Variants in ITFG2 observed in about 807,000 individuals in gnomAD.
The protein encoded by ITFG2 is integrin alpha FG-GAP repeat containing 2.
A neutral mutation model predicts 54.4 loss-of-function variants in ITFG2; 36 were observed. That is an observed-to-expected ratio of 0.66 (90% CI 0.51 to 0.87). The LOEUF (loss-of-function observed/expected upper bound fraction) is 0.87, where lower values mean the gene tolerates loss of function less well. ITFG2 is among the 40% of genes least tolerant of loss of function. The pLI, the probability that ITFG2 is intolerant of heterozygous loss-of-function variation, is 0.00. For missense variants in ITFG2, 524 were observed against 576.7 expected, an observed-to-expected ratio of 0.91 and a Z score of 0.94; for synonymous variants, 211 against 225.4, an observed-to-expected ratio of 0.94 and a Z score of 0.57.
Position 2,819,883 on chromosome 12 carries a change from C to A in ITFG2, c.407-203C>A, listed in dbSNP as rs912138323. ...TGAGAAGTAATATGAAGGCAGAGAGCGGATAGGAGCTGCGGAACAGATGGA... is the reference window on the plus strand; with the variant it reads ...TGAGAAGTAATATGAAGGCAGAGAGAGGATAGGAGCTGCGGAACAGATGGA... On this transcript the variant is annotated intron_variant, in intron 4 of 11. Coordinates refer to ENST00000228799, the MANE Select transcript of ITFG2 (RefSeq NM_018463.4). 9 of 489,656 alleles carry A rather than the reference C, an allele frequency of 1.8e-5. No homozygotes were observed. The South Asian group carries it at 2.4e-4, about 13-fold the overall frequency. 30.3% of individuals were successfully genotyped at this position (489,656 alleles called of 1,614,324 possible).
chr12:2,833,242 A>G (rs938694935), upstream of ITFG2, among the ~76,000 whole-genome samples: 30 of 152,224 alleles, frequency 2.0e-4, no homozygotes, highest in South Asian at 2.1e-4. Context: ...CCTGGGGCCA[A>G]ACACATGTAG....
At position 2,820,855 on chromosome 12, in the gene ITFG2, G is replaced by T. The variant is rs772468159; in HGVS notation, c.678G>T (p.Gly226=). Residue 226 remains glycine, a synonymous_variant, in exon 6 of 12, where the codon GGG becomes GGT. Transcript: ENST00000228799. ...CTGGGTCCCCTCCTGCCTCTGAAGG[G>T]CCCACGGATGGTAGTAGGTAAGGGG... ...KDTGSPPASE[G]PTDGSRETPA... 9 of 1,614,034 alleles carry T rather than the reference G, an allele frequency of 5.6e-6. No homozygotes were observed. Among genetic ancestry groups the T allele is most frequent in the Non-Finnish European group, 3.4e-6 (4 of 1,179,946 alleles).
Position 2,823,845 on chromosome 12 carries a change from A to G in ITFG2, c.1142A>G (p.Tyr381Cys), listed in dbSNP as rs184261033. 1 of 1,612,744 alleles carries G rather than the reference A, an allele frequency of 6.2e-7. No individual in the cohort carries two copies. The highest frequency in any genetic ancestry group is 1.3e-5 in the African/African-American group (1 of 75,014). ...YVTFNQKIYV[Y>C]WEVQLERMES... ...ACTTTCAACCAGAAGATCTATGTGTACTGGGAGGTGCAGCTGGAGCGGATG... is the reference window on the plus strand; with the variant it reads ...ACTTTCAACCAGAAGATCTATGTGTGCTGGGAGGTGCAGCTGGAGCGGATG... Residue 381 changes from tyrosine (Y) to cysteine (C), a missense_variant, in exon 11 of 12, where the codon TAC (tyrosine) becomes TGC (cysteine). Transcript: ENST00000228799.
intron 2 of ITFG2, among the ~76,000 whole-genome samples, chr12:2,847,784 C>T (rs1309976481): frequency 1.3e-5 from 2 of 152,138 alleles, no homozygotes; most frequent in African/African-American, 4.8e-5. Context: ...AGGTACCTCA[C>T]GTAGGTGAAA....
chr12:2,821,170 C>A, intron 6 of ITFG2, 92 bp from the exon 7 acceptor site: 1 of 1,036,734 alleles, frequency 9.6e-7, no homozygotes, highest in Non-Finnish European at 1.4e-6. Flanking sequence ...TGATTCAAAT[C>A]CCAGAAGCTC....
At chr12:2,858,339 A>AC (rs2098095649) in intron 3 of ITFG2, 2 of 373,894 alleles carry the variant, frequency 5.3e-6, no homozygotes, top group Non-Finnish European at 9.7e-6. Flanking sequence ...AAGGTAAGAG[A>AC]CTGCTGGGCA....
At chr12:2,816,434 A>G (rs1348533864) in intron 1 of ITFG2, among the ~76,000 whole-genome samples, 6 of 141,332 alleles carry the variant, frequency 4.2e-5, no homozygotes, top group Non-Finnish European at 7.6e-5. Flanking sequence ...GGTTCACACC[A>G]TTCTCCTGCC....
At chr12:2,847,669 A>C (rs1172085501) in intron 2 of ITFG2, among the ~76,000 whole-genome samples, 1 of 151,560 alleles carries the variant, frequency 6.6e-6, no homozygotes, top group Non-Finnish European at 1.5e-5. Context: ...TGTCCAAAAA[A>C]AAAAAAAAAA....
At chr12:2,822,721 C>G in intron 9 of ITFG2, 73 bp from the exon 10 acceptor site, 5 of 1,311,448 alleles carry the variant, frequency 3.8e-6, no homozygotes, top group Non-Finnish European at 5.5e-6. Flanking sequence ...AAATTCCTCC[C>G]CAGCTCGCTG....
chr12:2,816,020 A>G (rs1018462989), intron 1 of ITFG2, among the ~76,000 whole-genome samples: 7 of 147,786 alleles, frequency 4.7e-5, no homozygotes, highest in African/African-American at 1.7e-4. Context: ...GTGCACCACC[A>G]CACCTGGATA....
intron 2 of ITFG2, among the ~76,000 whole-genome samples, chr12:2,850,007 T>C (rs982606988): frequency 6.6e-6 from 1 of 152,210 alleles, no homozygotes; most frequent in Admixed American, 6.5e-5. Flanking sequence ...CAGCGCACTT[T>C]GCCCCTGGTT....
intron 4 of ITFG2, among the ~76,000 whole-genome samples, chr12:2,819,034 G>A (rs1417652840): frequency 6.6e-6 from 1 of 151,684 alleles, no homozygotes; most frequent in Admixed American, 6.6e-5. Flanking sequence ...GAAAATAAGT[G>A]CAGCCGACCA....
At chr12:2,849,214 C>T (rs1204387152) in intron 2 of ITFG2, 2 of 1,528,308 alleles carry the variant, frequency 1.3e-6, no homozygotes, top group South Asian at 1.2e-5. Flanking sequence ...TCACGATCGT[C>T]CCCTCTGGAA....
At chr12:2,854,911 G>A in intron 2 of ITFG2, 1 of 1,534,674 alleles carries the variant, frequency 6.5e-7, no homozygotes, top group Non-Finnish European at 8.7e-7. Context: ...GAAGCTCGCT[G>A]GCGGCTGGAT....
At chr12:2,831,591 A>G (rs748671946), downstream of ITFG2, among the ~76,000 whole-genome samples, 3 of 151,884 alleles carry the variant, frequency 2.0e-5, no homozygotes, top group Non-Finnish European at 2.9e-5. Context: ...CTCAAAAAAA[A>G]AAACCAAACA....
At chr12:2,858,611 C>A in intron 3 of ITFG2, 1 of 1,598,900 alleles carries the variant, frequency 6.3e-7, no homozygotes, top group Non-Finnish European at 8.5e-7. Flanking sequence ...TGGTGGACAG[C>A]TTGAGCACAG....
intron 2 of ITFG2, among the ~76,000 whole-genome samples, chr12:2,847,085 A>G (rs142965936): frequency 5.3e-5 from 8 of 152,234 alleles, no homozygotes; most frequent in African/African-American, 1.7e-4. Flanking sequence ...GGTTCTAGAC[A>G]TTTCATGTAA....
rs747485975 is a variant in ITFG2 at position 2,858,646 on chromosome 12, G to A, written n.620+315G>A. The A allele has an allele frequency of 6.8e-6, 11 of 1,613,616 alleles. No individual in the cohort carries two copies. The African/African-American group carries it at 1.5e-4, about 22-fold the overall frequency. On this transcript the variant is annotated intron_variant and non_coding_transcript_variant, in intron 3 of 3. Transcript: ENST00000537710. ...GGGGCAAGGGCAGGGCTCTACTGTA[G>A]CTCAGGAATAAACTGGGACCAGTTG...
At chr12:2,821,124 C>A in intron 6 of ITFG2, 138 bp from the exon 7 acceptor site, 1 of 760,828 alleles carries the variant, frequency 1.3e-6, no homozygotes, top group Non-Finnish European at 2.1e-6. Flanking sequence ...CTGTTTGCCA[C>A]ATGGGCCAGA....
Sources: allele counts gnomAD v4.1 joint callset (sites outside exome capture counted in the v4.1 genomes callset), GRCh38; gene constraint gnomAD v4.1.1; transcripts MANE v1.5; gene names NCBI Gene and HGNC (gene_info 2026-07-23, HGNC 2026-07-21).